Variants in CACNA2D2 observed in about 807,000 individuals in gnomAD.
CACNA2D2 encodes the protein calcium voltage-gated channel auxiliary subunit alpha2delta 2, also known as voltage-dependent calcium channel subunit alpha-2/delta-2.
Under a neutral mutation model 166.4 loss-of-function variants are expected in CACNA2D2, and 48 were observed. The ratio of observed to expected loss-of-function variants is 0.29; its 90% CI spans 0.23 to 0.37. The LOEUF is 0.37. CACNA2D2 is among the 10% of genes least tolerant of loss of function. The pLI, the probability that CACNA2D2 is intolerant of heterozygous loss-of-function variation, is 1.00. For synonymous variants in CACNA2D2, 561 were observed against 573.7 expected (o/e 0.98, Z 0.32); for missense variants, 1,122 against 1,433.0 (o/e 0.78, Z 3.50).
At chr3:50,405,065 G>T (rs769099424) in intron 3 of CACNA2D2, among the ~76,000 whole-genome samples, 2 of 152,094 alleles carry the variant, frequency 1.3e-5, no homozygotes, top group Admixed American at 1.3e-4. Flanking sequence ...CAGCCTAAGC[G>T]GGCCCTTCTC....
intron 3 of CACNA2D2, among the ~76,000 whole-genome samples, chr3:50,418,400 A>T (rs1354710268): frequency 6.6e-6 from 1 of 152,170 alleles, no homozygotes; most frequent in Non-Finnish European, 1.5e-5. Context: ...GCCCCTGTGC[A>T]AGCCCCTTCC....
Position 50,434,199 on chromosome 3 carries a change from C to T in CACNA2D2, c.405+114G>A, listed in dbSNP as rs74633300. On this transcript the variant is annotated intron_variant, in intron 3 of 37. Transcript: ENST00000424201. ...CACAGCCCTGCTGATGTTGGCCCAG[C>T]TGAACTCAGGAGGGCCACGTGATGA... 6,851 of 734,370 alleles carry T rather than the reference C, an allele frequency of 9.3e-3. 338 individuals carry two copies. In the African/African-American group the frequency reaches 0.11, roughly 12 times the overall value. 45.5% of individuals were successfully genotyped at this position (734,370 alleles called of 1,614,324 possible).
chr3:50,386,644 C>T (rs1705623282), intron 5 of CACNA2D2, among the ~76,000 whole-genome samples: 1 of 152,200 alleles, frequency 6.6e-6, no homozygotes, highest in Non-Finnish European at 1.5e-5. Context: ...CACAGGGATC[C>T]TTTCCAGCCT....
chr3:50,447,293 T>A (rs1273620209), intron 2 of CACNA2D2, among the ~76,000 whole-genome samples: 2 of 151,852 alleles, frequency 1.3e-5, no homozygotes, highest in Non-Finnish European at 1.5e-5. Flanking sequence ...TGACCTTGTC[T>A]CCCCCACCGC....
intron 24 of CACNA2D2, 46 bp downstream of exon 24, chr3:50,368,092 G>T: frequency 7.0e-7 from 1 of 1,434,160 alleles, no homozygotes; most frequent in Non-Finnish European, 9.8e-7. Flanking sequence ...CTGGCCCCAT[G>T]CTGCCTGGGC....
In CACNA2D2 at chr3:50,446,251, G is replaced by A. The variant is rs9834856; in HGVS notation, c.289-11822C>T. On this transcript the variant is annotated intron_variant, in intron 2 of 37. Coordinates refer to ENST00000424201, the MANE Select transcript of CACNA2D2 (RefSeq NM_006030.4). ...GGTGACAATTATTACGGGATTAGCT[G>A]CCATTACTGGCGGGGCCAAAGTGAG... 6.1e-3 allele frequency among the ~76,000 whole-genome samples: 936 copies of A among 152,306 alleles called. 10 individuals carry two copies. Among genetic ancestry groups the A allele is most frequent in the East Asian group, 0.048 (250 of 5,174 alleles).
chr3:50,448,880 C>T lies in CACNA2D2; in HGVS notation c.289-14451G>A, dbSNP rs751593441. ...GACCCTGAGAACACCCCATTGATGG[C>T]GCAGGCTGCAACAGAGACAGTCTGA... On this transcript the variant is annotated intron_variant, in intron 2 of 37. Coordinates refer to ENST00000424201, the MANE Select transcript of CACNA2D2 (RefSeq NM_006030.4). Among the ~76,000 whole-genome samples, 118 of 152,166 alleles carry T rather than the reference C, an allele frequency of 7.8e-4. 1 individual carries two copies. Among genetic ancestry groups the T allele is most frequent in the Non-Finnish European group, 1.6e-3 (110 of 68,024 alleles).
intron 2 of CACNA2D2, among the ~76,000 whole-genome samples, chr3:50,466,194 A>C (rs1177545787): frequency 1.3e-5 from 2 of 152,128 alleles, no homozygotes; most frequent in East Asian, 3.9e-4. Flanking sequence ...GCCTGCCCCC[A>C]TGCAGGGCTG....
At chr3:50,439,900 G>A (rs912737759) in intron 2 of CACNA2D2, among the ~76,000 whole-genome samples, 1 of 152,204 alleles carries the variant, frequency 6.6e-6, no homozygotes, top group Non-Finnish European at 1.5e-5. Flanking sequence ...GTAGAGCCAG[G>A]TCCGGGCCCC....
intron 1 of CACNA2D2, among the ~76,000 whole-genome samples, chr3:50,496,908 A>G (rs1485525542): frequency 6.6e-6 from 1 of 152,224 alleles, no homozygotes; most frequent in Non-Finnish European, 1.5e-5. Flanking sequence ...GGGCAGGGAA[A>G]AGACAGGCAG....
chr3:50,365,439 G>C lies in CACNA2D2; in HGVS notation c.3015C>G (p.Ser1005Arg), dbSNP rs1208916332. 1 of 1,613,656 alleles carries C rather than the reference G, an allele frequency of 6.2e-7. No individual in the cohort carries two copies. Among genetic ancestry groups the C allele is most frequent in the Admixed American group, 1.7e-5 (1 of 60,002 alleles). Residue 1005 changes from serine (S) to arginine (R), a missense_variant, in exon 35 of 38, where the codon AGC becomes AGG. Transcript: ENST00000424201. The surrounding 1 kb of genome is among the most constrained non-coding windows in gnomAD (Gnocchi z 4.5). ...AGTACTGGGTCTGTTTCATGACGCA[G>C]CTGCTCTCGCGCGTCTCGGGGCTCC... is the stretch of plus-strand genomic sequence containing the variant. ...AEGSPETRES[S>R]CVMKQTQYYF...
chr3:50,494,501 C>A (rs972617704), intron 1 of CACNA2D2, among the ~76,000 whole-genome samples: 1 of 152,106 alleles, frequency 6.6e-6, no homozygotes, highest in South Asian at 2.1e-4. Flanking sequence ...AGTTGTCCTT[C>A]CCAAGGGGAC....
chr3:50,501,873 TG>T (rs1698978913), intron 1 of CACNA2D2, among the ~76,000 whole-genome samples: 1 of 152,186 alleles, frequency 6.6e-6, no homozygotes, highest in African/African-American at 2.4e-5. Context: ...CTTTTCTCCC[TG>T]GGCAACCCCC....
chr3:50,388,525 T>C (rs751825452), intron 4 of CACNA2D2, among the ~76,000 whole-genome samples: 2 of 152,210 alleles, frequency 1.3e-5, no homozygotes, highest in Non-Finnish European at 2.9e-5. Flanking sequence ...AGGGCTTGTT[T>C]CTTTGAGGTC....
rs760307536 is a variant in CACNA2D2, at chr3:50,363,022, C to A, written c.*1644G>T. 2.5e-6 allele frequency: 1 copy of A among 397,608 alleles called. No homozygotes were observed. The highest frequency in any genetic ancestry group is 4.4e-6 in the Non-Finnish European group (1 of 225,856). 24.6% of individuals were successfully genotyped at this position (397,608 alleles called of 1,614,324 possible). A position where few individuals can be genotyped will look rare whatever the true frequency, so the allele number is the denominator to read the frequency against. ...AGCCCAAGGTGAGGGGCAGCCAGGT[C>A]GGGTGGGTAATGAGAAGGATTAGAC... is the stretch of plus-strand genomic sequence containing the variant. On this transcript the variant is annotated 3_prime_UTR_variant, in exon 38 of 38. Transcript: ENST00000424201.
intron 3 of CACNA2D2, among the ~76,000 whole-genome samples, chr3:50,429,303 C>T (rs888280852): frequency 1.7e-4 from 26 of 152,102 alleles, no homozygotes; most frequent in African/African-American, 6.0e-4. Context: ...TCAGTTTCCT[C>T]AAAACGTAAA....
chr3:50,417,562 C>T (rs1257543940), intron 3 of CACNA2D2, among the ~76,000 whole-genome samples: 3 of 152,176 alleles, frequency 2.0e-5, no homozygotes. Flanking sequence ...GCGGGGAGGA[C>T]CCCACAGATC....
chr3:50,460,986 TAAAA>T (rs773208314), intron 2 of CACNA2D2, among the ~76,000 whole-genome samples: 12 of 148,034 alleles, frequency 8.1e-5, no homozygotes, highest in Non-Finnish European at 1.8e-4. Context: ...AAAAGAAAAA[TAAAA>T]AAGAACAGGG....
chr3:50,486,744 G>T (rs1698299146), intron 1 of CACNA2D2, among the ~76,000 whole-genome samples: 1 of 152,194 alleles, frequency 6.6e-6, no homozygotes, highest in Middle Eastern at 3.2e-3. Context: ...ATCTTAGGCT[G>T]GGGCTGCAGC....
Sources: gnomAD v4.1 joint callset for allele counts (sites outside exome capture counted in the v4.1 genomes callset) on GRCh38, gnomAD v4.1.1 for gene constraint, Gnocchi (gnomAD v3.1) non-coding constraint, MANE v1.5 for transcripts, NCBI Gene and HGNC (gene_info 2026-07-23, HGNC 2026-07-21) for gene names.